The following TSPAN12 variants were observed in gnomAD, a reference collection of about 807,000 sequenced individuals.
TSPAN12 encodes the protein tetraspanin-12.
TSPAN12 carries 19 observed loss-of-function variants against 39.2 expected under a neutral mutation model. The ratio of observed to expected loss-of-function variants is 0.49; its 90% confidence interval spans 0.34 to 0.71. TSPAN12 has a LOEUF of 0.71. Among genes scored for constraint, TSPAN12 ranks in the 30% least tolerant of loss-of-function variants. The pLI, the probability that TSPAN12 is intolerant of heterozygous loss-of-function variation, is 0.01. For missense variants in TSPAN12, 314 were observed against 359.9 expected (o/e 0.87, Z 1.03); for synonymous variants, 119 against 124.8 (o/e 0.95, Z 0.31).
chr7:120,825,719 A>G (rs981662153), intron 4 of TSPAN12, among the ~76,000 whole-genome samples: 1 of 152,220 alleles, frequency 6.6e-6, no homozygotes, highest in Non-Finnish European at 1.5e-5. Flanking sequence ...ATTGCCAAAT[A>G]TTTGTACAAG....
At chr7:120,795,499 T>C (rs1393072039) in intron 7 of TSPAN12, among the ~76,000 whole-genome samples, 1 of 152,230 alleles carries the variant, frequency 6.6e-6, no homozygotes, top group Non-Finnish European at 1.5e-5. Flanking sequence ...AATGAGTTTC[T>C]AAAATTGGAA....
chr7:120,851,072 A>G (rs1218341892), intron 2 of TSPAN12, among the ~76,000 whole-genome samples: 1 of 152,214 alleles, frequency 6.6e-6, no homozygotes, highest in Non-Finnish European at 1.5e-5. Flanking sequence ...TTCCTTAGGA[A>G]GAGTTCAAAA....
At chr7:120,817,172 G>A (rs58686737) in intron 4 of TSPAN12, among the ~76,000 whole-genome samples, 7,657 of 151,998 alleles carry the variant, frequency 0.05, 516 homozygotes, top group East Asian at 0.31. Flanking sequence ...CCAGGAATTC[G>A]AGACCAGCCT....
chr7:120,815,679 A>G (rs1192321070), intron 5 of TSPAN12, 50 bp downstream of exon 5: 2 of 1,516,342 alleles, frequency 1.3e-6, no homozygotes, highest in Non-Finnish European at 1.8e-6. Flanking sequence ...ATCTAATTTA[A>G]AAGGCTGAAC....
At chr7:120,802,599 T>C (rs1793795403) in intron 7 of TSPAN12, among the ~76,000 whole-genome samples, 1 of 152,154 alleles carries the variant, frequency 6.6e-6, no homozygotes, top group South Asian at 2.1e-4. Flanking sequence ...CTCTACTATA[T>C]CCCTAGCATT....
At chr7:120,836,789 T>C (rs557587912) in intron 4 of TSPAN12, among the ~76,000 whole-genome samples, 26 of 152,316 alleles carry the variant, frequency 1.7e-4, no homozygotes, top group African/African-American at 5.8e-4. Context: ...CATTCACAAG[T>C]TTAAGATTTG....
chr7:120,823,362 C>T (rs756577241), intron 4 of TSPAN12, among the ~76,000 whole-genome samples: 10 of 151,820 alleles, frequency 6.6e-5, no homozygotes, highest in Non-Finnish European at 1.3e-4. Context: ...AAAACTTACA[C>T]CAGAAGGAAG....
intron 4 of TSPAN12, among the ~76,000 whole-genome samples, chr7:120,820,250 G>C (rs1013827609): frequency 4.6e-5 from 7 of 152,086 alleles, no homozygotes; most frequent in Admixed American, 3.3e-4. Flanking sequence ...AACATATTGT[G>C]TGACCTTTAG....
chr7:120,799,516 A>T (rs1407738075), intron 7 of TSPAN12, among the ~76,000 whole-genome samples: 1 of 103,092 alleles, frequency 9.7e-6, no homozygotes, highest in East Asian at 2.8e-4. Context: ...TTAATTATAT[A>T]TAATTAATTA....
At chr7:120,803,503 T>C (rs2116337646) in intron 7 of TSPAN12, among the ~76,000 whole-genome samples, 1 of 152,338 alleles carries the variant, frequency 6.6e-6, no homozygotes, top group East Asian at 1.9e-4. Flanking sequence ...GATTTAATTG[T>C]ACTTATGCCA....
chr7:120,854,935 A>T (rs948632775), intron 2 of TSPAN12, among the ~76,000 whole-genome samples: 3 of 152,172 alleles, frequency 2.0e-5, no homozygotes, highest in African/African-American at 7.2e-5. Context: ...CCACACACAA[A>T]CATAGAAAGT....
intron 7 of TSPAN12, among the ~76,000 whole-genome samples, chr7:120,796,750 A>G (rs1253697482): frequency 6.6e-6 from 1 of 151,982 alleles, no homozygotes; most frequent in Non-Finnish European, 1.5e-5. Flanking sequence ...TTCCCTCCAT[A>G]CCTTCATTGC....
intron 4 of TSPAN12, among the ~76,000 whole-genome samples, chr7:120,831,694 TTAGA>T (rs560732969): frequency 1.7e-3 from 264 of 151,966 alleles, no homozygotes; most frequent in Non-Finnish European, 2.7e-3. Flanking sequence ...AAAGTTTCAG[TTAGA>T]TAGTAGAAAT....
At chr7:120,796,332 C>T (rs1355222746) in intron 7 of TSPAN12, among the ~76,000 whole-genome samples, 2 of 152,178 alleles carry the variant, frequency 1.3e-5, no homozygotes, top group Non-Finnish European at 2.9e-5. Flanking sequence ...CACAAACGCA[C>T]ATAACCAGAA....
rs530301209 is a variant in TSPAN12, at chr7:120,844,694, TC to T, written c.67-4586del. Among the ~76,000 whole-genome samples, 36 of 152,338 alleles carry T rather than the reference TC, an allele frequency of 2.4e-4. No homozygotes were observed. In the East Asian group the frequency reaches 7.0e-3, roughly 29 times the overall value. On this transcript the variant is annotated intron_variant, in intron 2 of 7. Coordinates refer to ENST00000222747, the MANE Select transcript of TSPAN12 (RefSeq NM_012338.4). ...GCCCCCAAGGCTTTGGGCAGCTCTATCCCTGTGGTTCCGCAGGGTACAGTCC... is the reference window on the plus strand; with the variant it reads ...GCCCCCAAGGCTTTGGGCAGCTCTATCCTGTGGTTCCGCAGGGTACAGTCC...
chr7:120,806,621 G>A lies in TSPAN12; in HGVS notation c.540C>T (p.Ser180=), dbSNP rs759855646. Residue 180 remains serine (S), a synonymous_variant, in exon 7 of 8, where the codon TCC becomes TCT. Coordinates refer to ENST00000222747, the MANE Select transcript of TSPAN12 (RefSeq NM_012338.4). ...EMTEMDWPPD[S]CCVREFPGCS... ...ATCCTGGGAATTCTCTAACACAGCA[G>A]GAATCTGGGGGCCAGTCCATCTCTG... 1.2e-5 allele frequency: 20 copies of A among 1,613,510 alleles called. No homozygotes were observed. Among genetic ancestry groups the A allele is most frequent in the Non-Finnish European group, 1.7e-5 (20 of 1,179,644 alleles).
intron 2 of TSPAN12, among the ~76,000 whole-genome samples, chr7:120,846,103 G>C (rs1794664246): frequency 6.6e-6 from 1 of 152,170 alleles, no homozygotes; most frequent in African/African-American, 2.4e-5. Context: ...GGAGGAGTAA[G>C]AGAGAGAAGG....
chr7:120,852,396 G>A (rs1397716090), intron 2 of TSPAN12, among the ~76,000 whole-genome samples: 5 of 152,166 alleles, frequency 3.3e-5, no homozygotes, highest in Non-Finnish European at 7.3e-5. Context: ...AGAATGTAAA[G>A]TCTGGTTTAA....
intron 7 of TSPAN12, among the ~76,000 whole-genome samples, chr7:120,796,516 G>A (rs147332999): frequency 3.0e-4 from 45 of 152,084 alleles, no homozygotes; most frequent in Non-Finnish European, 5.0e-4. Context: ...TTCTCATGTC[G>A]TATCTCAATT....
Sources: allele counts gnomAD v4.1 joint callset (sites outside exome capture counted in the v4.1 genomes callset), GRCh38; gene constraint gnomAD v4.1.1; transcripts MANE v1.5; gene names NCBI Gene and HGNC (gene_info 2026-07-23, HGNC 2026-07-21).